Variants in GDAP1L1 observed in about 807,000 individuals in gnomAD.
GDAP1L1 encodes the protein ganglioside induced differentiation associated protein 1 like 1, also known as ganglioside-induced differentiation-associated protein 1-like 1.
Under a neutral mutation model 37.1 loss-of-function variants are expected in GDAP1L1, and 21 were observed. That is an observed-to-expected ratio of 0.57 (90% CI 0.40 to 0.81). The LOEUF (loss-of-function observed/expected upper bound fraction) is 0.81, where lower values mean the gene tolerates loss of function less well. Ranked by LOEUF, GDAP1L1 falls within the 40% of genes least tolerant of loss-of-function variation. The probability of loss-of-function intolerance (pLI) is 0.00; values close to 1 mark genes in which losing one functional copy is unlikely to be tolerated. For synonymous variants in GDAP1L1, 193 were observed against 209.1 expected, an observed-to-expected ratio of 0.92 and a Z score of 0.67; for missense variants, 362 against 491.6, an observed-to-expected ratio of 0.74 and a Z score of 2.49.
chr20:44,276,321 C>T (rs990130208), intron 5 of GDAP1L1, among the ~76,000 whole-genome samples: 10 of 130,254 alleles, frequency 7.7e-5, no homozygotes, highest in Non-Finnish European at 9.4e-5. Flanking sequence ...GGTGACAGAG[C>T]GAGACTTTGT....
chr20:44,259,712 G>T (rs1425763521), intron 3 of GDAP1L1, among the ~76,000 whole-genome samples: 1 of 152,060 alleles, frequency 6.6e-6, no homozygotes, highest in Non-Finnish European at 1.5e-5. Flanking sequence ...GCCCAGGCTG[G>T]TCTTGAACTC....
intron 5 of GDAP1L1, among the ~76,000 whole-genome samples, chr20:44,268,633 T>C (rs1429338859): frequency 6.6e-6 from 1 of 152,194 alleles, no homozygotes; most frequent in African/African-American, 2.4e-5. Flanking sequence ...AAAGTTTCCC[T>C]GAGAAGGTGA....
intron 5 of GDAP1L1, among the ~76,000 whole-genome samples, chr20:44,265,950 C>T (rs192959741): frequency 2.0e-5 from 3 of 152,172 alleles, no homozygotes; most frequent in Admixed American, 2.0e-4. Flanking sequence ...AGCCAGCTGC[C>T]TTAAATCATT....
intron 5 of GDAP1L1, among the ~76,000 whole-genome samples, chr20:44,274,884 T>C: frequency 6.6e-6 from 1 of 150,744 alleles, no homozygotes; most frequent in South Asian, 2.1e-4. Flanking sequence ...AGGTGTCTTC[T>C]TTGTTTGTTT....
chr20:44,256,879 C>T (rs1296100506), intron 1 of GDAP1L1, among the ~76,000 whole-genome samples: 3 of 152,160 alleles, frequency 2.0e-5, no homozygotes, highest in Non-Finnish European at 4.4e-5. Context: ...GCCAGGAATC[C>T]TATCCCAGAT....
intron 3 of GDAP1L1, among the ~76,000 whole-genome samples, chr20:44,259,557 G>A (rs1271750177): frequency 2.7e-5 from 4 of 149,654 alleles, no homozygotes; most frequent in Admixed American, 1.3e-4. Flanking sequence ...GTGTAGTGGC[G>A]CAATCTTGAC....
rs1388133202 is a variant in GDAP1L1 at position 44,273,885 on chromosome 20, AAATC to A, written c.761-5069_761-5066del. 2.0e-5 allele frequency among the ~76,000 whole-genome samples: 3 copies of A among 152,302 alleles called. No homozygotes were observed. The East Asian group carries it at 5.8e-4, about 29-fold the overall frequency. ...AAGTAATGGCAATATATCACTGAGAAAATCAAAGCATTAGAAAGAGATCTTCACA... is the reference window on the plus strand; with the variant it reads ...AAGTAATGGCAATATATCACTGAGAAAAAGCATTAGAAAGAGATCTTCACA... On this transcript the variant is annotated intron_variant, in intron 5 of 5. Transcript: ENST00000342560.
chr20:44,260,684 G>A (rs1357774646), intron 3 of GDAP1L1, among the ~76,000 whole-genome samples: 8 of 152,164 alleles, frequency 5.3e-5, no homozygotes, highest in Admixed American at 6.5e-5. Flanking sequence ...GGTAGAAGGG[G>A]AGAAAGAGGG....
At chr20:44,259,446 C>A (rs2073633071) in intron 3 of GDAP1L1, among the ~76,000 whole-genome samples, 1 of 151,776 alleles carries the variant, frequency 6.6e-6, no homozygotes, top group Non-Finnish European at 1.5e-5. Context: ...GGTTGTAGAA[C>A]TCAACCCTGT....
intron 5 of GDAP1L1, among the ~76,000 whole-genome samples, chr20:44,275,713 G>A (rs1248579340): frequency 6.6e-6 from 1 of 152,192 alleles, no homozygotes; most frequent in African/African-American, 2.4e-5. Flanking sequence ...GGTGTAGTCA[G>A]TGGGGGAGAA....
chr20:44,264,665 A>C (rs1305517296), intron 5 of GDAP1L1, 106 bp downstream of exon 5: 4 of 1,510,372 alleles, frequency 2.6e-6, no homozygotes, highest in Non-Finnish European at 2.7e-6. Flanking sequence ...AGGACCTCCC[A>C]GGTGGTTAAG....
chr20:44,258,387 C>A (rs2073604645), intron 2 of GDAP1L1, 47 bp from the exon 3 acceptor site: 2 of 1,531,532 alleles, frequency 1.3e-6, no homozygotes, highest in South Asian at 2.4e-5. Flanking sequence ...GTGGCCGGGG[C>A]AGGTGCCCCT....
chr20:44,267,497 G>C (rs77410649), intron 5 of GDAP1L1, among the ~76,000 whole-genome samples: 2,125 of 151,944 alleles, frequency 0.014, 49 homozygotes, highest in African/African-American at 0.049. Flanking sequence ...TGTAATCCCA[G>C]TTATGTGGGA....
chr20:44,251,703 G>A (rs1352690466), intron 1 of GDAP1L1, among the ~76,000 whole-genome samples: 1 of 152,208 alleles, frequency 6.6e-6, no homozygotes, highest in African/African-American at 2.4e-5. Flanking sequence ...GAAAACTCCA[G>A]AGTCCTCTCA....
intron 2 of GDAP1L1, 92 bp downstream of exon 2, chr20:44,257,437 G>A: frequency 7.8e-7 from 1 of 1,279,332 alleles, no homozygotes; most frequent in Admixed American, 2.4e-5. Context: ...ACTTTGGGAA[G>A]TCTGGGAAAT....
intron 5 of GDAP1L1, among the ~76,000 whole-genome samples, chr20:44,268,878 A>G (rs989088054): frequency 2.0e-5 from 3 of 152,196 alleles, no homozygotes; most frequent in African/African-American, 4.8e-5. Flanking sequence ...ACTAAGTACA[A>G]TGGGAAGTCC....
intron 1 of GDAP1L1, among the ~76,000 whole-genome samples, chr20:44,248,420 T>C (rs867815096): frequency 2.8e-4 from 43 of 152,394 alleles, no homozygotes; most frequent in African/African-American, 9.9e-4. Context: ...TTCTGACTCC[T>C]CTTCTTCCTG....
chr20:44,279,253 G>A lies in GDAP1L1; in HGVS notation c.1057G>A (p.Gly353Arg). ...GTCCTTCCTCATGGGCTCCCTGGGT[G>A]GGATGGGCTACTTTGCCTACTGGTA... ...GASFLMGSLG[G>R]MGYFAYWYLK... is the part of the protein sequence containing the mutation. The change falls in exon 6 of 6, where the codon GGG becomes AGG. Residue 353 changes from glycine to arginine, a missense_variant. Gly to Arg is a moderately radical substitution (Grantham distance 125). Around this residue, in one of 2 missense-constraint regions of GDAP1L1, gnomAD observed 85 missense variants for 154.4 expected, o/e 0.55. Coordinates refer to ENST00000342560, the MANE Select transcript of GDAP1L1 (RefSeq NM_024034.6). 1 of 1,613,986 alleles carries A rather than the reference G, an allele frequency of 6.2e-7. No individual in the cohort carries two copies. The highest frequency in any genetic ancestry group is 8.5e-7 in the Non-Finnish European group (1 of 1,179,946).
At chr20:44,255,724 A>G (rs2073527803) in intron 1 of GDAP1L1, among the ~76,000 whole-genome samples, 1 of 152,090 alleles carries the variant, frequency 6.6e-6, no homozygotes, top group East Asian at 1.9e-4. Context: ...GGGTGGAGAC[A>G]TTGATGCTCA....
Sources: gnomAD v4.1 joint callset for allele counts (sites outside exome capture counted in the v4.1 genomes callset) on GRCh38, gnomAD v4.1.1 for gene constraint, gnomAD v4.1.1 regional missense constraint, MANE v1.5 for transcripts, NCBI Gene and HGNC (gene_info 2026-07-23, HGNC 2026-07-21) for gene names.